ODAD4: variants seen among roughly 807,000 people sequenced by gnomAD.
ODAD4 encodes the protein outer dynein arm docking complex subunit 4, also known as outer dynein arm-docking complex subunit 4.
A neutral mutation model predicts 51.8 loss-of-function variants in ODAD4; 49 were observed. The ratio of observed to expected loss-of-function variants is 0.95; its 90% CI spans 0.75 to 1.20. The LOEUF (loss-of-function observed/expected upper bound fraction) is 1.20, where lower values mean the gene tolerates loss of function less well. ODAD4 is among the 50% of genes most tolerant of loss of function. The pLI is 0.00. For missense variants in ODAD4, 590 were observed against 586.5 expected (o/e 1.01, Z -0.06); for synonymous variants, 235 against 221.3 (o/e 1.06, Z -0.55).
At position 41,956,485 on chromosome 17, in the gene ODAD4, C is replaced by CTTTTT. The variant is rs33985289; in HGVS notation, c.1443+1185_1443+1189dup. Among the ~76,000 whole-genome samples, 7 of 110,922 alleles carry CTTTTT rather than the reference C, an allele frequency of 6.3e-5. 1 individual carries two copies. Among genetic ancestry groups the CTTTTT allele is most frequent in the Admixed American group, 1.1e-4 (1 of 8,832 alleles). 72.8% of individuals were successfully genotyped at this position (110,922 alleles called of 152,430 possible). Reference sequence around the variant, plus strand: ...ACTGGTATGAGCCACCATGCCCGGCCTTTTTTTTTTTTTTTTTTTTTAAAT... The same window carrying CTTTTT: ...ACTGGTATGAGCCACCATGCCCGGCCTTTTTTTTTTTTTTTTTTTTTTTTTTAAAT... On this transcript the variant is annotated intron_variant, in intron 10 of 11. Transcript: ENST00000377540.
At chr17:41,945,270 C>A in intron 8 of ODAD4, 48 bp downstream of exon 8, 1 of 1,420,486 alleles carries the variant, frequency 7.0e-7, no homozygotes, top group Non-Finnish European at 9.8e-7. Context: ...GTTAGAACTT[C>A]TCACCATAAC....
At chr17:41,943,457 G>A (rs931649937) in intron 7 of ODAD4, among the ~76,000 whole-genome samples, 3 of 152,198 alleles carry the variant, frequency 2.0e-5, no homozygotes, top group East Asian at 1.9e-4. Context: ...GCAAAGGGTG[G>A]TGGGATTATC....
At chr17:41,940,272 G>T (rs2050488146) in intron 7 of ODAD4, among the ~76,000 whole-genome samples, 1 of 152,122 alleles carries the variant, frequency 6.6e-6, no homozygotes, top group African/African-American at 2.4e-5. Context: ...CAAATCTCCA[G>T]AGACACATGC....
rs1555642569 is a variant in ODAD4 at position 41,965,497 on chromosome 17, G to A, written c.*14G>A. 2 of 753,644 alleles carry A rather than the reference G, an allele frequency of 2.7e-6. No individual in the cohort carries two copies. The highest frequency in any genetic ancestry group is 4.9e-6 in the Non-Finnish European group (2 of 410,378). 46.7% of individuals were successfully genotyped at this position (753,644 alleles called of 1,614,324 possible). A position where few individuals can be genotyped will look rare whatever the true frequency, so the allele number is the denominator to read the frequency against. On this transcript the variant is annotated 3_prime_UTR_variant, in exon 12 of 12. Transcript: ENST00000377540. ...GAATATGAATGAAGCCATCGGTAGA[G>A]ATGAGGATCAGGAAGCTGGTGTTCA...
chr17:41,941,501 C>T (rs937764298), intron 7 of ODAD4, among the ~76,000 whole-genome samples: 2 of 152,196 alleles, frequency 1.3e-5, no homozygotes, highest in African/African-American at 4.8e-5. Flanking sequence ...CGGTGGCTCA[C>T]GCCTGTAATC....
rs111755063 is a variant in ODAD4 at position 41,959,865 on chromosome 17, G to A, written c.1444-1517G>A. On this transcript the variant is annotated intron_variant, in intron 10 of 11. Transcript: ENST00000377540. ...AAGGCTAACACTGCCCTCTCATGGC[G>A]GAGAAATCATACCCAAAAGACCCCA... Among the ~76,000 whole-genome samples, 29 of 152,316 alleles carry A rather than the reference G, an allele frequency of 1.9e-4. 1 individual carries two copies. Among genetic ancestry groups the A allele is most frequent in the African/African-American group, 6.3e-4 (26 of 41,576 alleles).
intron 10 of ODAD4, among the ~76,000 whole-genome samples, chr17:41,959,995 C>T (rs1019328818): frequency 1.2e-4 from 18 of 152,310 alleles, no homozygotes; most frequent in African/African-American, 3.6e-4. Flanking sequence ...GGCTTCCAGG[C>T]GAAGAGCACC....
intron 9 of ODAD4, among the ~76,000 whole-genome samples, chr17:41,952,948 G>C (rs782821020): frequency 1.1e-4 from 16 of 151,796 alleles, no homozygotes; most frequent in Non-Finnish European, 2.1e-4. Flanking sequence ...TGTTGTCCAG[G>C]TTGTTCTGGA....
At chr17:41,932,243 A>G (rs910901190) in intron 1 of ODAD4, among the ~76,000 whole-genome samples, 7 of 151,884 alleles carry the variant, frequency 4.6e-5, no homozygotes, top group Non-Finnish European at 8.8e-5. Flanking sequence ...CTAATTTTGT[A>G]TTTTTAGTAG....
intron 11 of ODAD4, among the ~76,000 whole-genome samples, chr17:41,964,206 G>A (rs1224924998): frequency 6.6e-6 from 1 of 151,918 alleles, no homozygotes. Flanking sequence ...GATTACAGGC[G>A]CCTGCCACCA....
rs372320044 is a variant in ODAD4, at chr17:41,936,932, C to G, written c.625+5C>G. The G allele has an allele frequency of 4.3e-6, 7 of 1,612,760 alleles. No individual in the cohort carries two copies. In the South Asian group the frequency reaches 7.7e-5, roughly 18 times the overall value. On this transcript the variant is annotated splice_donor_5th_base_variant and intron_variant, in intron 5 of 11. Coordinates refer to ENST00000377540, the MANE Select transcript of ODAD4 (RefSeq NM_031421.5). ...AGAAGCTCCTATTGGATGAAGGTTTCGGACACTTTGTTGGCACGGGGCCTT... is the reference window on the plus strand; with the variant it reads ...AGAAGCTCCTATTGGATGAAGGTTTGGGACACTTTGTTGGCACGGGGCCTT...
At chr17:41,946,883 C>G (rs2050594423) in intron 8 of ODAD4, among the ~76,000 whole-genome samples, 1 of 151,414 alleles carries the variant, frequency 6.6e-6, no homozygotes, top group Admixed American at 6.6e-5. Context: ...CGGAGTCTCG[C>G]TCTGTCCCCC....
rs116259554 is a variant in ODAD4, at chr17:41,964,594, G to A, written c.1529-399G>A. Among the ~76,000 whole-genome samples the A allele has an allele frequency of 9.4e-3, 1,432 of 152,094 alleles. 29 individuals carry two copies. Among genetic ancestry groups the A allele is most frequent in the African/African-American group, 0.033 (1,367 of 41,488 alleles). ...TCATTCTCAGGGCCTTTCTCTCATC[G>A]GCCTCTCAAAAGCACAGGCCTCCAC... On this transcript the variant is annotated intron_variant, in intron 11 of 11. Transcript: ENST00000377540.
chr17:41,945,355 A>G (rs2144511275), intron 8 of ODAD4, 133 bp downstream of exon 8: 1 of 700,168 alleles, frequency 1.4e-6, no homozygotes, highest in East Asian at 2.7e-5. Flanking sequence ...AAAAAAAAAA[A>G]AAAAAAATTA....
rs1555637533 is a variant in ODAD4 at position 41,935,279 on chromosome 17, G to A, written c.177G>A (p.Lys59=). The part of the protein sequence containing the change: ...CLVARSKCFL[K]MGDLERSLKD... ...TTGCTCGCTCAAAGTGCTTCCTGAA[G>A]ATGGGAGACTTGGAGAGATCCCTGA... Residue 59 remains lysine, a synonymous_variant, in exon 2 of 12, where the codon AAG becomes AAA. Coordinates refer to ENST00000377540, the MANE Select transcript of ODAD4 (RefSeq NM_031421.5). The A allele has an allele frequency of 1.2e-6, 2 of 1,614,028 alleles. No homozygotes were observed. The highest frequency in any genetic ancestry group is 4.5e-5 in the East Asian group (2 of 44,880).
At chr17:41,944,434 A>ACCCCCC (rs2050554788) in intron 7 of ODAD4, among the ~76,000 whole-genome samples, 1 of 7,980 alleles carries the variant, frequency 1.3e-4, no homozygotes, top group African/African-American at 1.8e-4. Flanking sequence ...ACACACACAC[A>ACCCCCC]CACACACACA....
At chr17:41,935,120 G>A in intron 1 of ODAD4, 97 bp from the exon 2 acceptor site, 1 of 1,433,750 alleles carries the variant, frequency 7.0e-7, no homozygotes, top group South Asian at 1.3e-5. Flanking sequence ...AGAGCCTGAA[G>A]AAATCCCCTC....
At chr17:41,938,536 C>T (rs782066093) in intron 5 of ODAD4, 21 bp from the exon 6 acceptor site, 3 of 1,608,868 alleles carry the variant, frequency 1.9e-6, no homozygotes, top group African/African-American at 1.3e-5. Context: ...CTTGGCGCCT[C>T]CTCACACCCC....
chr17:41,937,513 C>T (rs1056804702), intron 5 of ODAD4, among the ~76,000 whole-genome samples: 3 of 152,054 alleles, frequency 2.0e-5, no homozygotes, highest in African/African-American at 4.8e-5. Context: ...CTCTGTCACA[C>T]AGGCTGGAGT....
Sources: gnomAD v4.1 joint callset for allele counts (sites outside exome capture counted in the v4.1 genomes callset) on GRCh38, gnomAD v4.1.1 for gene constraint, MANE v1.5 for transcripts, NCBI Gene and HGNC (gene_info 2026-07-23, HGNC 2026-07-21) for gene names.